Variants in CRACD observed in about 807,000 individuals in gnomAD.
CRACD encodes capping protein-inhibiting regulator of actin dynamics.
A neutral mutation model predicts 106.8 loss-of-function variants in CRACD; 56 were observed. The ratio of observed to expected loss-of-function variants is 0.52; its 90% confidence interval spans 0.42 to 0.66. The LOEUF is 0.66. CRACD is among the 30% of genes least tolerant of loss of function. The pLI, the probability that CRACD is intolerant of heterozygous loss-of-function variation, is 0.00. For missense variants in CRACD, 1,730 were observed against 1,623.2 expected, an observed-to-expected ratio of 1.07 and a Z score of -1.13; for synonymous variants, 754 against 670.8, an observed-to-expected ratio of 1.12 and a Z score of -1.92.
intron 2 of CRACD, among the ~76,000 whole-genome samples, chr4:56,246,866 C>A (rs997322572): frequency 6.6e-6 from 1 of 152,174 alleles, no homozygotes; most frequent in Admixed American, 6.5e-5. Context: ...GACAGTGAAT[C>A]CCCCAACATT....
At chr4:56,269,433 A>C (rs1172101228) in intron 2 of CRACD, among the ~76,000 whole-genome samples, 1 of 152,126 alleles carries the variant, frequency 6.6e-6, no homozygotes, top group Non-Finnish European at 1.5e-5. Flanking sequence ...CAGACTGTAC[A>C]GGAAGCATGG....
intron 1 of CRACD, among the ~76,000 whole-genome samples, chr4:56,116,644 A>C (rs1734294072): frequency 2.6e-5 from 4 of 152,180 alleles, no homozygotes; most frequent in Admixed American, 2.6e-4. Context: ...ACGCATTTTA[A>C]ATGTAAGTGA....
chr4:56,171,164 A>G (rs1174931725), intron 1 of CRACD, among the ~76,000 whole-genome samples: 1 of 152,222 alleles, frequency 6.6e-6, no homozygotes. Flanking sequence ...CATGATCATT[A>G]TATGACGAGT....
chr4:56,061,685 A>G (rs904147408), intron 1 of CRACD, among the ~76,000 whole-genome samples: 5 of 152,232 alleles, frequency 3.3e-5, no homozygotes, highest in African/African-American at 7.2e-5. Context: ...AGTATATAAT[A>G]TACCATCAGA....
rs952563888 is a variant in CRACD at position 56,237,250 on chromosome 4, A to G, written c.-188-35071A>G. Among the ~76,000 whole-genome samples the G allele has an allele frequency of 2.6e-5, 4 of 152,200 alleles. No individual in the cohort carries two copies. In the East Asian group the frequency reaches 7.7e-4, roughly 29 times the overall value. Reference sequence around the variant, plus strand: ...TATAATAAAATGAAGAAAACAAATTATAGAATGAGTTATAGATTATAATTC... The same window carrying G: ...TATAATAAAATGAAGAAAACAAATTGTAGAATGAGTTATAGATTATAATTC... On this transcript the variant is annotated intron_variant, in intron 2 of 10. Transcript: ENST00000682029.
At chr4:56,122,380 A>T (rs1734518974) in intron 1 of CRACD, among the ~76,000 whole-genome samples, 1 of 152,152 alleles carries the variant, frequency 6.6e-6, no homozygotes, top group African/African-American at 2.4e-5. Context: ...GAAGGGGAAA[A>T]AGAAGCAAAA....
intron 1 of CRACD, among the ~76,000 whole-genome samples, chr4:56,156,340 G>T (rs1735763447): frequency 6.6e-6 from 1 of 152,150 alleles, no homozygotes; most frequent in African/African-American, 2.4e-5. Context: ...GGCTTTGCTG[G>T]GCGCCTCCAG....
chr4:56,104,074 C>T (rs1733865733), intron 1 of CRACD, among the ~76,000 whole-genome samples: 1 of 152,114 alleles, frequency 6.6e-6, no homozygotes, highest in South Asian at 2.1e-4. Flanking sequence ...GTGCCCAGCC[C>T]GTTGTTATTA....
At position 56,246,884 on chromosome 4, in the gene CRACD, T is replaced by G. The variant is rs150689142; in HGVS notation, c.-188-25437T>G. Among the ~76,000 whole-genome samples, 328 of 152,312 alleles carry G rather than the reference T, an allele frequency of 2.2e-3. 1 individual carries two copies. The highest frequency in any genetic ancestry group is 6.6e-3 in the African/African-American group (276 of 41,570). On this transcript the variant is annotated intron_variant, in intron 2 of 10. Coordinates refer to ENST00000682029, the MANE Select transcript of CRACD (RefSeq NM_001393381.1). ...AGTGAATCCCCCAACATTGTTATTA[T>G]TAGTAGTACTTAGGCACTGGTATTA...
intron 1 of CRACD, among the ~76,000 whole-genome samples, chr4:56,120,964 A>G (rs1485854597): frequency 2.0e-5 from 3 of 152,216 alleles, no homozygotes; most frequent in East Asian, 1.9e-4. Context: ...CAGCGCTACT[A>G]GTTCTGAGAC....
At chr4:56,110,610 T>A (rs1247558709) in intron 1 of CRACD, among the ~76,000 whole-genome samples, 2 of 152,182 alleles carry the variant, frequency 1.3e-5, no homozygotes, top group Non-Finnish European at 2.9e-5. Flanking sequence ...AAGATTTTTT[T>A]TTTTGAGACA....
At chr4:56,072,067 G>A (rs1296772220) in intron 1 of CRACD, among the ~76,000 whole-genome samples, 1 of 150,050 alleles carries the variant, frequency 6.7e-6, no homozygotes, top group Non-Finnish European at 1.5e-5. Context: ...GGCGGAGCTT[G>A]CAGTGAGCCG....
chr4:56,214,681 C>CTCTCTCTATATA, intron 2 of CRACD, among the ~76,000 whole-genome samples: 2,662 of 80,890 alleles, frequency 0.033, 139 homozygotes, highest in East Asian at 0.18. Flanking sequence ...CTCTCTCTCT[C>CTCTCTCTATATA]TATATATATA....
intron 2 of CRACD, among the ~76,000 whole-genome samples, chr4:56,267,262 A>G (rs1742076882): frequency 1.3e-5 from 2 of 152,078 alleles, no homozygotes; most frequent in Non-Finnish European, 2.9e-5. Flanking sequence ...CTGGAATTAT[A>G]GGCACCAGCC....
intron 1 of CRACD, among the ~76,000 whole-genome samples, chr4:56,177,417 C>T (rs1736633600): frequency 6.6e-6 from 1 of 152,146 alleles, no homozygotes; most frequent in East Asian, 1.9e-4. Context: ...CCCACCTGAT[C>T]ATGGTAAATG....
chr4:56,204,546 C>T (rs1300372340), intron 2 of CRACD, among the ~76,000 whole-genome samples: 4 of 152,186 alleles, frequency 2.6e-5, no homozygotes, highest in Non-Finnish European at 5.9e-5. Flanking sequence ...GGGCTTAGCA[C>T]TTATGACCTG....
chr4:56,298,573 T>C (rs184995318), intron 4 of CRACD, among the ~76,000 whole-genome samples: 5 of 152,222 alleles, frequency 3.3e-5, no homozygotes, highest in Admixed American at 3.3e-4. Context: ...TGACACACCC[T>C]CTCCTTTTCT....
chr4:56,163,442 A>G (rs1736028790), intron 1 of CRACD, among the ~76,000 whole-genome samples: 1 of 152,212 alleles, frequency 6.6e-6, no homozygotes, highest in South Asian at 2.1e-4. Flanking sequence ...GTCCTTTAAC[A>G]ATCTCAAAGG....
In CRACD at chr4:56,204,448, G is replaced by A. The variant is rs1738029914; in HGVS notation, c.-189+25018G>A. ...TCATCCCATGGTAGAAGGCAGGTGG[G>A]CAAGAAAGCACATGAGCAAGACAGA... is the stretch of plus-strand genomic sequence containing the variant. On this transcript the variant is annotated intron_variant, in intron 2 of 10. Transcript: ENST00000682029. 5.3e-5 allele frequency among the ~76,000 whole-genome samples: 8 copies of A among 152,186 alleles called. 1 individual carries two copies. The South Asian group carries it at 1.7e-3, about 32-fold the overall frequency.
Sources: gnomAD v4.1 joint callset for allele counts (sites outside exome capture counted in the v4.1 genomes callset) on GRCh38, gnomAD v4.1.1 for gene constraint, MANE v1.5 for transcripts, NCBI Gene and HGNC (gene_info 2026-07-23, HGNC 2026-07-21) for gene names.